The following TOGARAM1 variants were observed in gnomAD, a reference collection of about 807,000 sequenced individuals.
TOGARAM1 encodes the protein TOG array regulator of axonemal microtubules protein 1.
Under a neutral mutation model 166.6 loss-of-function variants are expected in TOGARAM1, and 100 were observed. The observed-to-expected ratio is 0.60, with a 90% confidence interval of 0.51 to 0.71. TOGARAM1 has a LOEUF of 0.71. TOGARAM1 is among the 30% of genes least tolerant of loss of function. The pLI, the probability that TOGARAM1 is intolerant of heterozygous loss-of-function variation, is 0.00. For synonymous variants in TOGARAM1, 758 were observed against 763.8 expected (o/e 0.99, Z 0.13); for missense variants, 2,029 against 2,102.7 (o/e 0.96, Z 0.69).
At chr14:44,976,018 A>G (rs1405959981) in intron 1 of TOGARAM1, among the ~76,000 whole-genome samples, 1 of 152,030 alleles carries the variant, frequency 6.6e-6, no homozygotes, top group Non-Finnish European at 1.5e-5. Context: ...AGATATGGTA[A>G]AGATAAAATG....
At chr14:45,045,690 T>TAC (rs1313586762) in intron 13 of TOGARAM1, among the ~76,000 whole-genome samples, 5 of 97,972 alleles carry the variant, frequency 5.1e-5, no homozygotes, top group African/African-American at 2.7e-4. Context: ...TACACATATA[T>TAC]ACACATATAT....
At chr14:44,992,639 G>A (rs1258344973) in intron 1 of TOGARAM1, among the ~76,000 whole-genome samples, 5 of 98,672 alleles carry the variant, frequency 5.1e-5, no homozygotes, top group African/African-American at 1.6e-4. Context: ...TTTTTTTTGA[G>A]ATGAGTCTCC....
At chr14:44,971,016 GT>G (rs1322430756) in intron 1 of TOGARAM1, among the ~76,000 whole-genome samples, 1 of 151,532 alleles carries the variant, frequency 6.6e-6, no homozygotes, top group Non-Finnish European at 1.5e-5. Context: ...TTTTGTTTTT[GT>G]TTTTTTTCTT....
intron 13 of TOGARAM1, among the ~76,000 whole-genome samples, chr14:45,045,974 G>A (rs923272674): frequency 1.6e-4 from 25 of 151,728 alleles, no homozygotes; most frequent in African/African-American, 5.3e-4. Context: ...TTGTAATAAC[G>A]TTACCCTATT....
intron 6 of TOGARAM1, 70 bp from the exon 7 acceptor site, chr14:45,011,905 C>G (rs1879824415): frequency 2.9e-6 from 3 of 1,045,406 alleles, no homozygotes; most frequent in Non-Finnish European, 4.2e-6. Flanking sequence ...GGAGAATAGA[C>G]AATATGTGAT....
intron 1 of TOGARAM1, among the ~76,000 whole-genome samples, chr14:44,977,078 C>T (rs1368532025): frequency 6.6e-6 from 1 of 152,070 alleles, no homozygotes; most frequent in Non-Finnish European, 1.5e-5. Flanking sequence ...CATTTCTAAA[C>T]ATATTTTTCT....
chr14:45,013,331 T>C (rs1052812551), intron 7 of TOGARAM1, among the ~76,000 whole-genome samples: 1 of 152,212 alleles, frequency 6.6e-6, no homozygotes, highest in African/African-American at 2.4e-5. Context: ...TTGCTTTACT[T>C]TTCTTTAACT....
At chr14:45,026,104 T>G (rs1420301689) in intron 8 of TOGARAM1, among the ~76,000 whole-genome samples, 2 of 152,206 alleles carry the variant, frequency 1.3e-5, no homozygotes, top group African/African-American at 2.4e-5. Context: ...AGATGTATTA[T>G]GTGACAGCTG....
At chr14:44,997,646 A>G (rs936256161) in intron 2 of TOGARAM1, among the ~76,000 whole-genome samples, 2 of 152,074 alleles carry the variant, frequency 1.3e-5, no homozygotes, top group African/African-American at 4.8e-5. Flanking sequence ...GAAAAAGGAG[A>G]GCATAGGAAG....
rs767895537 is a variant in TOGARAM1 at position 45,027,341 on chromosome 14, A to T, written c.3371A>T (p.Gln1124Leu). ...AGTTCAGCACCAGCAACCTGCAGCC[A>T]ATCAGTGATATCTTCTGTGGAAAAT... ...SLSSAPATCS[Q>L]SVISSVENGD... Residue 1124 changes from glutamine (Q) to leucine (L), a missense_variant, in exon 9 of 20, where the codon CAA (glutamine) becomes CTA (leucine). This residue lies in a region of TOGARAM1 where 1,453 missense variants were observed against 1,432.2 expected (regional missense o/e 1.01). Transcript: ENST00000361462. The T allele has an allele frequency of 2.5e-6, 4 of 1,613,474 alleles. No individual in the cohort carries two copies. The Admixed American group carries it at 5.0e-5, about 20-fold the overall frequency.
chr14:45,005,778 C>G (rs1019000310), intron 4 of TOGARAM1, among the ~76,000 whole-genome samples: 62 of 152,146 alleles, frequency 4.1e-4, no homozygotes, highest in Non-Finnish European at 2.2e-4. Flanking sequence ...ATCACTTTCT[C>G]TTAGCACTAT....
At chr14:44,991,958 C>T (rs1887158749) in intron 1 of TOGARAM1, among the ~76,000 whole-genome samples, 2 of 148,910 alleles carry the variant, frequency 1.3e-5, no homozygotes, top group South Asian at 2.1e-4. Flanking sequence ...AAGTTTATAG[C>T]CAGGCATGGT....
At chr14:45,052,234 C>T (rs371086694) in intron 14 of TOGARAM1, among the ~76,000 whole-genome samples, 40 of 152,216 alleles carry the variant, frequency 2.6e-4, no homozygotes, top group African/African-American at 8.4e-4. Flanking sequence ...TAAGTCAAAC[C>T]GTTGTAAGTC....
chr14:45,027,210 T>G (rs1880902258), intron 8 of TOGARAM1, 89 bp from the exon 9 acceptor site: 1 of 1,319,708 alleles, frequency 7.6e-7, no homozygotes, highest in African/African-American at 1.5e-5. Flanking sequence ...TGTTTGATTC[T>G]TGAAGGCAAG....
In TOGARAM1 at chr14:45,073,628, G is replaced by A; in HGVS notation, c.*67G>A. On this transcript the variant is annotated 3_prime_UTR_variant, in exon 20 of 20. Transcript: ENST00000361462. ...TGATGACAAATGGAACTTTCTAAAA[G>A]TTATGTTATCAGTGCCTGCACTTCA... The A allele has an allele frequency of 6.8e-7, 1 of 1,471,366 alleles. No homozygotes were observed. Among genetic ancestry groups the A allele is most frequent in the South Asian group, 1.3e-5 (1 of 76,040 alleles). The allele number at this position is 1,471,366 out of a possible 1,614,324, so 91.1% of individuals were successfully genotyped here.
chr14:45,022,991 C>T (rs1880612989), intron 7 of TOGARAM1: 1 of 152,122 alleles, frequency 6.6e-6, no homozygotes, highest in African/African-American at 2.4e-5. Context: ...TACTTAGAGT[C>T]TGTATATATA....
In TOGARAM1 at chr14:45,005,828, T is replaced by C. The variant is rs115844543; in HGVS notation, c.2645-180T>C. 3.3e-3 allele frequency among the ~76,000 whole-genome samples: 510 copies of C among 152,314 alleles called. 1 individual carries two copies. The highest frequency in any genetic ancestry group is 0.012 in the African/African-American group (494 of 41,560). ...CTATTAATTCCTTTCTGTATTTGTT[T>C]ATTGTACAAGATCAAATATTGTATC... On this transcript the variant is annotated intron_variant, in intron 4 of 19. Coordinates refer to ENST00000361462, the MANE Select transcript of TOGARAM1 (RefSeq NM_001308120.2).
At chr14:45,006,525 T>C (rs1879443945) in intron 5 of TOGARAM1, 1 of 273,876 alleles carries the variant, frequency 3.7e-6, no homozygotes, top group Admixed American at 4.7e-5. Flanking sequence ...ATTATTCCTT[T>C]TTAAATTAAA....
At chr14:45,038,491 A>G (rs1881555509) in intron 11 of TOGARAM1, among the ~76,000 whole-genome samples, 1 of 152,190 alleles carries the variant, frequency 6.6e-6, no homozygotes, top group East Asian at 1.9e-4. Context: ...AAGCAACTCC[A>G]TGCACTGGAA....
Sources: allele counts gnomAD v4.1 joint callset (sites outside exome capture counted in the v4.1 genomes callset), GRCh38; gene constraint gnomAD v4.1.1; regional missense constraint gnomAD v4.1.1; transcripts MANE v1.5; gene names NCBI Gene and HGNC (gene_info 2026-07-23, HGNC 2026-07-21).